Variants in KYAT3 observed in about 807,000 individuals in gnomAD.
KYAT3 encodes the protein kynurenine--oxoglutarate transaminase 3.
A neutral mutation model predicts 59.0 loss-of-function variants in KYAT3; 50 were observed. That is an observed-to-expected ratio of 0.85 (90% confidence interval 0.68 to 1.07). The LOEUF (loss-of-function observed/expected upper bound fraction) is 1.07, where lower values mean the gene tolerates loss of function less well. Ranked by LOEUF, KYAT3 falls within the 50% of genes least tolerant of loss-of-function variation. The probability of loss-of-function intolerance (pLI) is 0.00; values close to 1 mark genes in which losing one functional copy is unlikely to be tolerated. For synonymous variants in KYAT3, 148 were observed against 177.0 expected (o/e 0.84, Z 1.30); for missense variants, 497 against 533.3 (o/e 0.93, Z 0.67).
chr1:88,936,165 T>A lies in KYAT3; in HGVS notation c.*18A>T, dbSNP rs1481031613. 1.8e-5 allele frequency: 29 copies of A among 1,571,792 alleles called. No homozygotes were observed. The highest frequency in any genetic ancestry group is 2.1e-5 in the Non-Finnish European group (24 of 1,145,874). ...ATACTAGGTCATCTAACAGAAACATTAATCCATTCTGCACAAATCAAGACT... is the reference window on the plus strand; with the variant it reads ...ATACTAGGTCATCTAACAGAAACATAAATCCATTCTGCACAAATCAAGACT... On this transcript the variant is annotated 3_prime_UTR_variant, in exon 14 of 14. Coordinates refer to ENST00000260508, the MANE Select transcript of KYAT3 (RefSeq NM_001008661.3).
chr1:88,939,968 T>G (rs951871953), intron 13 of KYAT3, among the ~76,000 whole-genome samples: 42 of 152,268 alleles, frequency 2.8e-4, no homozygotes, highest in Non-Finnish European at 4.4e-4. Flanking sequence ...ACATTTTTTT[T>G]GGGCGAATAT....
rs559288533 is a variant in KYAT3, at chr1:88,961,614, G to A, written c.541-108C>T. 8 of 945,930 alleles carry A rather than the reference G, an allele frequency of 8.5e-6. No individual in the cohort carries two copies. The East Asian group carries it at 1.6e-4, about 18-fold the overall frequency. 58.6% of individuals were successfully genotyped at this position (945,930 alleles called of 1,614,324 possible). A position where few individuals can be genotyped will look rare whatever the true frequency, so the allele number is the denominator to read the frequency against. On this transcript the variant is annotated intron_variant, in intron 6 of 13. Coordinates refer to ENST00000260508, the MANE Select transcript of KYAT3 (RefSeq NM_001008661.3). Reference sequence around the variant, plus strand: ...AAACATCAAAGAAAGTCATGGCAAAGGAAACTGAATAAATTACCAACAAAT... The same window carrying A: ...AAACATCAAAGAAAGTCATGGCAAAAGAAACTGAATAAATTACCAACAAAT...
chr1:88,977,865 C>T (rs1676865237), intron 2 of KYAT3, among the ~76,000 whole-genome samples: 1 of 152,020 alleles, frequency 6.6e-6, no homozygotes, highest in Admixed American at 6.6e-5. Context: ...ATGCAAATAC[C>T]ATTATGTTAC....
In KYAT3 at chr1:88,983,191, A is replaced by G. The variant is rs144379490; in HGVS notation, c.99+5061T>C. 1.8e-4 allele frequency: 297 copies of G among 1,612,828 alleles called. 2 individuals are homozygous for G. The African/African-American group carries it at 3.4e-3, about 19-fold the overall frequency. On this transcript the variant is annotated intron_variant, in intron 2 of 13. Coordinates refer to ENST00000260508, the MANE Select transcript of KYAT3 (RefSeq NM_001008661.3). ...AATAGCTGTCTTTAGTAGAATACCC[A>G]TCATCTCTTGGGGACAAATAAACAT...
At chr1:88,934,608 A>T (rs1033351283), downstream of KYAT3, among the ~76,000 whole-genome samples, 1 of 152,174 alleles carries the variant, frequency 6.6e-6, no homozygotes, top group African/African-American at 2.4e-5. Flanking sequence ...ACAGGCATGG[A>T]GCTCCAACCC....
At chr1:88,991,727 A>G (rs1213684603) in intron 1 of KYAT3, among the ~76,000 whole-genome samples, 1 of 152,258 alleles carries the variant, frequency 6.6e-6, no homozygotes, top group East Asian at 1.9e-4. Flanking sequence ...ACTTCTCCAG[A>G]AGGAAAGCAG....
At chr1:88,961,604 T>C (rs1676149456) in intron 6 of KYAT3, 98 bp from the exon 7 acceptor site, 1 of 1,077,660 alleles carries the variant, frequency 9.3e-7, no homozygotes, top group Non-Finnish European at 1.3e-6. Context: ...TCAAAGAAAG[T>C]CATGGCAAAG....
intron 11 of KYAT3, among the ~76,000 whole-genome samples, chr1:88,944,349 C>T (rs960108762): frequency 3.3e-5 from 5 of 152,164 alleles, no homozygotes; most frequent in African/African-American, 1.2e-4. Flanking sequence ...ACCTTTGACA[C>T]TGAAGAAAGG....
At position 88,991,796 on chromosome 1, in the gene KYAT3, A is replaced by AG. The variant is rs1425584428; in HGVS notation, c.-2+788dup. On this transcript the variant is annotated intron_variant, in intron 1 of 13. Transcript: ENST00000260508. ...TTGGCTCCCGAAGTCAGACTTGCTA[A>AG]GGGCTGACCTGCAGCCCCAGTCCCC... Among the ~76,000 whole-genome samples, 4 of 152,244 alleles carry AG rather than the reference A, an allele frequency of 2.6e-5. No individual in the cohort carries two copies. In the East Asian group the frequency reaches 7.7e-4, roughly 29 times the overall value.
chr1:88,983,135 G>A lies in KYAT3; in HGVS notation c.99+5117C>T, dbSNP rs762284223. ...TCGTGGTGGTGGTGCATAATCTCTT[G>A]TATCACGAGAACTTGGGTAATCTCT... On this transcript the variant is annotated intron_variant, in intron 2 of 13. Transcript: ENST00000260508. 6.2e-6 allele frequency: 10 copies of A among 1,612,358 alleles called. No individual in the cohort carries two copies. Among genetic ancestry groups the A allele is most frequent in the Middle Eastern group, 4.3e-4 (2 of 4,688 alleles).
chr1:88,960,988 T>G (rs926189522), intron 8 of KYAT3, among the ~76,000 whole-genome samples, 179 bp downstream of exon 8: 1 of 152,224 alleles, frequency 6.6e-6, no homozygotes. Flanking sequence ...CTCTTTGTCC[T>G]TTGAACTATT....
intron 1 of KYAT3, among the ~76,000 whole-genome samples, chr1:88,989,546 C>A (rs1677666655): frequency 6.6e-6 from 1 of 152,100 alleles, no homozygotes; most frequent in Admixed American, 6.5e-5. Flanking sequence ...GCAGCTGTCC[C>A]AAAAGACACA....
the KYAT3 span, among the ~76,000 whole-genome samples, chr1:88,924,521 C>T: frequency 6.6e-6 from 1 of 152,170 alleles, no homozygotes; most frequent in Non-Finnish European, 1.5e-5. Flanking sequence ...ATTTAAAATC[C>T]ATTTCCAGGC....
chr1:88,946,336 T>C (rs1422441308), intron 11 of KYAT3, among the ~76,000 whole-genome samples: 1 of 152,082 alleles, frequency 6.6e-6, no homozygotes, highest in African/African-American at 2.4e-5. Flanking sequence ...TTTTTTTTTT[T>C]TTTAATTTAA....
intron 2 of KYAT3, chr1:88,980,421 T>C (rs1677025989): frequency 6.8e-6 from 1 of 147,316 alleles, no homozygotes; most frequent in South Asian, 2.1e-4. Flanking sequence ...TCATAGATTT[T>C]GGATTTTTTT....
intron 2 of KYAT3, among the ~76,000 whole-genome samples, chr1:88,986,838 CT>C (rs1293251909): frequency 1.2e-4 from 18 of 152,286 alleles, no homozygotes; most frequent in African/African-American, 3.4e-4. Flanking sequence ...TTTTGTAACA[CT>C]GGCCAGTGTT....
chr1:88,945,075 C>G (rs939785958), intron 11 of KYAT3, among the ~76,000 whole-genome samples: 2 of 152,032 alleles, frequency 1.3e-5, no homozygotes, highest in Non-Finnish European at 2.9e-5. Context: ...AACTCCTGAC[C>G]TTAAGTGATA....
At chr1:88,957,172 A>G (rs1311903430) in intron 8 of KYAT3, among the ~76,000 whole-genome samples, 1 of 152,248 alleles carries the variant, frequency 6.6e-6, no homozygotes, top group Non-Finnish European at 1.5e-5. Context: ...ATAAATCAGA[A>G]AAGTTATAAT....
chr1:88,945,723 G>C (rs890696313), intron 11 of KYAT3, among the ~76,000 whole-genome samples: 2 of 152,074 alleles, frequency 1.3e-5, no homozygotes, highest in African/African-American at 4.8e-5. Flanking sequence ...CTCAAGCTAC[G>C]ATTAAATAAG....
Sources: gnomAD v4.1 joint callset for allele counts (sites outside exome capture counted in the v4.1 genomes callset) on GRCh38, gnomAD v4.1.1 for gene constraint, MANE v1.5 for transcripts, NCBI Gene and HGNC (gene_info 2026-07-23, HGNC 2026-07-21) for gene names.